The following C19orf18 variants were observed in gnomAD, a reference collection of about 807,000 sequenced individuals.
The protein encoded by C19orf18 is chromosome 19 open reading frame 18.
A neutral mutation model predicts 23.3 loss-of-function variants in C19orf18; 21 were observed. The observed-to-expected ratio is 0.90, with a 90% CI of 0.64 to 1.30. C19orf18 has a LOEUF of 1.30. Ranked by LOEUF, C19orf18 falls within the 50% of genes most tolerant of loss-of-function variation. C19orf18 has a pLI of 0.00. For missense variants in C19orf18, 249 were observed against 259.6 expected, an observed-to-expected ratio of 0.96 and a Z score of 0.28; for synonymous variants, 96 against 95.2, an observed-to-expected ratio of 1.01 and a Z score of -0.05.
intron 3 of C19orf18, 70 bp from the exon 4 acceptor site, chr19:57,966,702 T>A: frequency 1.9e-6 from 2 of 1,062,354 alleles, no homozygotes; most frequent in Middle Eastern, 2.5e-4. Context: ...GTTAATATAT[T>A]TGTCCTTACA....
chr19:57,961,255 A>G (rs76107303), intron 5 of C19orf18, 136 bp downstream of exon 5: 287 of 954,246 alleles, frequency 3.0e-4, no homozygotes, highest in Non-Finnish European at 3.4e-4. Context: ...TGAAAGAAAG[A>G]AAGGAAGGAA....
At chr19:57,970,787 T>A (rs1218923411) in intron 3 of C19orf18, among the ~76,000 whole-genome samples, 2 of 152,162 alleles carry the variant, frequency 1.3e-5, no homozygotes, top group East Asian at 3.8e-4. Context: ...CTCAAACTCC[T>A]GACCTCAGGT....
intron 4 of C19orf18, among the ~76,000 whole-genome samples, chr19:57,963,838 T>C (rs567539163): frequency 6.6e-6 from 1 of 152,026 alleles, no homozygotes; most frequent in Non-Finnish European, 1.5e-5. Context: ...TGCAGTGAGC[T>C]GAGATGACGC....
At chr19:57,961,876 TTCTC>T (rs992019699) in intron 4 of C19orf18, among the ~76,000 whole-genome samples, 2 of 151,642 alleles carry the variant, frequency 1.3e-5, no homozygotes, top group South Asian at 4.1e-4. Flanking sequence ...TTCCTTTCTC[TTCTC>T]TTTTTCTTTC....
In C19orf18 at chr19:57,974,101, G is replaced by A. The variant is rs540642924; in HGVS notation, c.224C>T (p.Thr75Met). The A allele has an allele frequency of 3.2e-5, 51 of 1,613,408 alleles. No homozygotes were observed. Among genetic ancestry groups the A allele is most frequent in the East Asian group, 8.9e-5 (4 of 44,876 alleles). ...PGIQGAASRS[T>M]AASPTNPMKF... Reference sequence around the variant, plus strand: ...GAATGAGGAATTCAATGACTCACCCGTGGATCTCGAGGCAGCCCCTTGAAT... The same window carrying A: ...GAATGAGGAATTCAATGACTCACCCATGGATCTCGAGGCAGCCCCTTGAAT... Residue 75 changes from threonine to methionine, a missense_variant and splice_region_variant, in exon 2 of 6, where the codon ACG (threonine) becomes ATG (methionine). Thr to Met is a moderately conservative substitution (Grantham distance 81). Transcript: ENST00000314391.
At chr19:57,973,022 C>T (rs1402881527) in intron 2 of C19orf18, among the ~76,000 whole-genome samples, 1 of 151,660 alleles carries the variant, frequency 6.6e-6, no homozygotes, top group Non-Finnish European at 1.5e-5. Context: ...GTGGCACGCG[C>T]CTGTAGTCCC....
intron 3 of C19orf18, among the ~76,000 whole-genome samples, chr19:57,968,884 C>T (rs1363885642): frequency 6.6e-6 from 1 of 152,162 alleles, no homozygotes; most frequent in Admixed American, 6.6e-5. Flanking sequence ...CACACCCCAA[C>T]CATCTCCTTT....
intron 4 of C19orf18, among the ~76,000 whole-genome samples, chr19:57,965,620 C>T (rs1253721772): frequency 6.6e-6 from 1 of 152,074 alleles, no homozygotes; most frequent in East Asian, 1.9e-4. Context: ...TGGCGTATGC[C>T]TGCAGTAATC....
At position 57,974,319 on chromosome 19, in the gene C19orf18, GC is replaced by G. The variant is rs1277936377; in HGVS notation, c.113del (p.Gly38AlafsTer46). The G allele has an allele frequency of 6.2e-7, 1 of 1,614,066 alleles. No homozygotes were observed. On this transcript the variant is annotated frameshift_variant, in exon 1 of 6. Transcript: ENST00000314391. LOFTEE classifies it high-confidence loss of function. Reference sequence around the variant, plus strand: ...ACCAGTGGTTGAAGCTACCTGGTAAGCCTGTTATGTTTCCAGTGGGATGGAG... The same window carrying G: ...ACCAGTGGTTGAAGCTACCTGGTAAGCTGTTATGTTTCCAGTGGGATGGAG... Reference protein sequence around the residue: ...DGLHPTGNITGLPGSKRSQPP... With the variant: ...DGLHPTGNITXLPGSKRSQPP...
chr19:57,972,049 T>C (rs867921304), intron 3 of C19orf18, among the ~76,000 whole-genome samples: 27 of 152,184 alleles, frequency 1.8e-4, no homozygotes, highest in Admixed American at 3.9e-4. Flanking sequence ...GAAGGAAGGA[T>C]GCTCTGGGGC....
At chr19:57,965,705 T>A (rs1346579343) in intron 4 of C19orf18, among the ~76,000 whole-genome samples, 1 of 151,952 alleles carries the variant, frequency 6.6e-6, no homozygotes, top group Non-Finnish European at 1.5e-5. Context: ...CCAAGATCCA[T>A]ACCATTACAC....
In C19orf18 at chr19:57,974,027, C is replaced by A. The variant is rs553603316; in HGVS notation, c.226+72G>T. On this transcript the variant is annotated intron_variant, in intron 2 of 5. Transcript: ENST00000314391. ...TTTCTACCAGCAAGCACACAGTACA[C>A]ATTCACATGGCAGATAAGAGGACTC... 5 of 1,421,304 alleles carry A rather than the reference C, an allele frequency of 3.5e-6. No homozygotes were observed. In the African/African-American group the frequency reaches 5.7e-5, roughly 16 times the overall value. 88.0% of individuals were successfully genotyped at this position (1,421,304 alleles called of 1,614,324 possible).
rs1255334277 is a variant in C19orf18 at position 57,958,559 on chromosome 19, A to C, written c.*43T>G. The C allele has an allele frequency of 1.5e-6, 2 of 1,348,258 alleles. No individual in the cohort carries two copies. Among genetic ancestry groups the C allele is most frequent in the African/African-American group, 2.9e-5 (2 of 68,150 alleles). The allele number at this position is 1,348,258 out of a possible 1,614,324, so 83.5% of individuals were successfully genotyped here. On this transcript the variant is annotated 3_prime_UTR_variant, in exon 6 of 6. Transcript: ENST00000314391. ...ACAGGCTCAGTCTCCCAGCACCCCC[A>C]TAGTTTCTCCTCTGCCTCAGCCGGC...
chr19:57,968,791 C>T (rs930831656), intron 3 of C19orf18, among the ~76,000 whole-genome samples: 1 of 152,132 alleles, frequency 6.6e-6, no homozygotes, highest in Non-Finnish European at 1.5e-5. Context: ...GACCTCCCTT[C>T]CCAGGGCTAG....
intron 3 of C19orf18, among the ~76,000 whole-genome samples, chr19:57,968,129 T>C (rs1482896915): frequency 2.6e-5 from 4 of 152,274 alleles, no homozygotes; most frequent in African/African-American, 7.2e-5. Flanking sequence ...GAGGGTTCAC[T>C]TTCTGGTTCA....
chr19:57,969,545 ACT>A (rs1479571197), intron 3 of C19orf18, among the ~76,000 whole-genome samples: 1 of 123,362 alleles, frequency 8.1e-6, no homozygotes, highest in Non-Finnish European at 1.6e-5. Flanking sequence ...ACAGAGTGAG[ACT>A]CTGTCTTAAA....
At chr19:57,964,838 C>G (rs1334363825) in intron 4 of C19orf18, among the ~76,000 whole-genome samples, 1 of 152,126 alleles carries the variant, frequency 6.6e-6, no homozygotes, top group Non-Finnish European at 1.5e-5. Context: ...CAATGGAATC[C>G]TAGCACGGAA....
intron 5 of C19orf18, among the ~76,000 whole-genome samples, chr19:57,959,252 G>C (rs974012976): frequency 2.6e-5 from 4 of 152,268 alleles, no homozygotes; most frequent in South Asian, 2.1e-4. Flanking sequence ...ACTTTGGGAG[G>C]CCAAGACGGG....
intron 3 of C19orf18, among the ~76,000 whole-genome samples, chr19:57,971,917 C>T (rs924310461): frequency 1.3e-5 from 2 of 152,186 alleles, no homozygotes; most frequent in African/African-American, 4.8e-5. Context: ...CTGCATGTCT[C>T]ACTCAGCATA....
Sources: allele counts gnomAD v4.1 joint callset (sites outside exome capture counted in the v4.1 genomes callset), GRCh38; gene constraint gnomAD v4.1.1; transcripts MANE v1.5; gene names NCBI Gene and HGNC (gene_info 2026-07-23, HGNC 2026-07-21).